The following RELCH variants were observed in gnomAD, a reference collection of about 807,000 sequenced individuals.
RELCH encodes RAB11 binding and LisH domain, coiled-coil and HEAT repeat containing.
RELCH carries 41 observed loss-of-function variants against 150.3 expected under a neutral mutation model. That is an observed-to-expected ratio of 0.27 (90% CI 0.21 to 0.35). The LOEUF (loss-of-function observed/expected upper bound fraction) is 0.35. Among genes scored for constraint, RELCH ranks in the 10% least tolerant of loss-of-function variants. RELCH has a pLI of 1.00. For synonymous variants in RELCH, 478 were observed against 531.8 expected (o/e 0.90, Z 1.39); for missense variants, 1,092 against 1,467.8 (o/e 0.74, Z 4.18).
intron 1 of RELCH, among the ~76,000 whole-genome samples, chr18:62,206,694 T>C (rs1039987697): frequency 2.0e-5 from 3 of 152,206 alleles, no homozygotes; most frequent in African/African-American, 7.2e-5. Flanking sequence ...AAAAAAAGTT[T>C]TGTGTGTGTA....
In RELCH at chr18:62,275,450, T is replaced by A. The variant is rs749185612; in HGVS notation, c.2944T>A (p.Cys982Ser). The A allele has an allele frequency of 1.4e-5, 22 of 1,607,590 alleles. No individual in the cohort carries two copies. Among genetic ancestry groups the A allele is most frequent in the Non-Finnish European group, 1.9e-5 (22 of 1,175,494 alleles). The part of the protein sequence containing the change: ...GVVHTSALVR[C>S]TAARMFELLV... The stretch of plus-strand genomic sequence containing the variant: ...TGTCCATACTTCAGCACTCGTGAGG[T>A]GTACTGCTGCTAGAATGTTTGAGGT... The change falls in exon 22 of 29, where the codon TGT becomes AGT. Residue 982 changes from cysteine (C) to serine (S), a missense_variant. This residue lies in a region of RELCH where 707 missense variants were observed against 1,025.4 expected (regional missense o/e 0.69). Transcript: ENST00000644646.
chr18:62,298,141 A>G (rs2045506593), intron 27 of RELCH, among the ~76,000 whole-genome samples: 1 of 151,078 alleles, frequency 6.6e-6, no homozygotes, highest in Non-Finnish European at 1.5e-5. Flanking sequence ...TAGACAATAA[A>G]TATTTTTTTA....
chr18:62,252,162 A>AT (rs138202096), intron 11 of RELCH, among the ~76,000 whole-genome samples: 295 of 133,914 alleles, frequency 2.2e-3, no homozygotes, highest in Middle Eastern at 7.7e-3. Flanking sequence ...CGCCCGGCTA[A>AT]TTTTTTTTTT....
At chr18:62,219,902 G>A (rs1167880012) in intron 2 of RELCH, among the ~76,000 whole-genome samples, 1 of 151,948 alleles carries the variant, frequency 6.6e-6, no homozygotes, top group Non-Finnish European at 1.5e-5. Context: ...TTTTTTATGT[G>A]TATTAGTCAG....
chr18:62,295,074 A>C (rs1443424523), intron 27 of RELCH, among the ~76,000 whole-genome samples: 1 of 152,198 alleles, frequency 6.6e-6, no homozygotes, highest in Non-Finnish European at 1.5e-5. Context: ...GTCCTTTTTT[A>C]GAAATGTTTT....
intron 1 of RELCH, among the ~76,000 whole-genome samples, chr18:62,210,868 C>T (rs576857387): frequency 3.3e-5 from 5 of 152,148 alleles, no homozygotes; most frequent in Non-Finnish European, 7.3e-5. Context: ...GGTGGCAGCT[C>T]AAACTTCTGT....
chr18:62,245,582 A>G (rs768004601), intron 11 of RELCH, among the ~76,000 whole-genome samples: 2 of 152,158 alleles, frequency 1.3e-5, no homozygotes, highest in Non-Finnish European at 2.9e-5. Context: ...AGCCAAGAAC[A>G]TGCCATTGCA....
intron 2 of RELCH, among the ~76,000 whole-genome samples, chr18:62,220,506 G>A (rs2040796629): frequency 6.6e-6 from 1 of 151,316 alleles, no homozygotes; most frequent in African/African-American, 2.4e-5. Context: ...CCTAATGAAG[G>A]GAACTATTCA....
intron 10 of RELCH, among the ~76,000 whole-genome samples, chr18:62,239,261 A>G (rs1280338570): frequency 6.6e-6 from 1 of 151,982 alleles, no homozygotes; most frequent in Non-Finnish European, 1.5e-5. Context: ...GATATTTAAT[A>G]TTAATAATTC....
chr18:62,241,983 T>C (rs527747833), intron 10 of RELCH, among the ~76,000 whole-genome samples: 4 of 152,326 alleles, frequency 2.6e-5, no homozygotes, highest in African/African-American at 7.2e-5. Context: ...AGTCTCAATC[T>C]AGCAATTATC....
Position 62,227,609 on chromosome 18 carries a change from A to T in RELCH, c.1074A>T (p.Leu358Phe). 1 of 1,545,920 alleles carries T rather than the reference A, an allele frequency of 6.5e-7. No homozygotes were observed. The highest frequency in any genetic ancestry group is 8.9e-7 in the Non-Finnish European group (1 of 1,126,486). The change falls in exon 7 of 29, where the codon TTA (leucine) becomes TTT (phenylalanine). Residue 358 changes from leucine (L) to phenylalanine (F), a missense_variant. This residue lies in a region of RELCH where 707 missense variants were observed against 1,025.4 expected (regional missense o/e 0.69). Transcript: ENST00000644646. ...ETPQPAENSM[L>F]VQKLEDKISL... ...TGTTTTGATTTTAGAACTCCATGTTAGTACAGAAATTAGAAGATAAAATTA... is the reference window on the plus strand; with the variant it reads ...TGTTTTGATTTTAGAACTCCATGTTTGTACAGAAATTAGAAGATAAAATTA...
intron 17 of RELCH, among the ~76,000 whole-genome samples, chr18:62,264,478 C>T (rs1281403126): frequency 1.3e-5 from 2 of 152,030 alleles, no homozygotes; most frequent in Non-Finnish European, 2.9e-5. Flanking sequence ...AGATTTGAGT[C>T]ACATTAACTC....
intron 1 of RELCH, among the ~76,000 whole-genome samples, chr18:62,197,691 T>C (rs1197983580): frequency 6.6e-6 from 1 of 152,196 alleles, no homozygotes; most frequent in East Asian, 1.9e-4. Flanking sequence ...AATATAGCAA[T>C]GGTATTTACC....
At chr18:62,299,262 G>A (rs1008663471) in intron 28 of RELCH, among the ~76,000 whole-genome samples, 1 of 152,158 alleles carries the variant, frequency 6.6e-6, no homozygotes, top group Non-Finnish European at 1.5e-5. Flanking sequence ...GAATGTTCTA[G>A]TCACATGCTT....
intron 16 of RELCH, among the ~76,000 whole-genome samples, chr18:62,263,438 G>C (rs955255366): frequency 4.0e-5 from 6 of 151,728 alleles, no homozygotes; most frequent in Non-Finnish European, 8.8e-5. Flanking sequence ...ACTTTTAACA[G>C]TAGCTATAAA....
intron 10 of RELCH, 119 bp from the exon 11 acceptor site, chr18:62,244,645 C>A: frequency 1.6e-6 from 1 of 607,400 alleles, no homozygotes; most frequent in Non-Finnish European, 2.9e-6. Flanking sequence ...TTAAAATTTA[C>A]CCTTTTGTTT....
At chr18:62,280,318 G>T in intron 23 of RELCH, 1 of 1,560,772 alleles carries the variant, frequency 6.4e-7, no homozygotes. Context: ...TCTTATTCCA[G>T]TTTACCAAAC....
At chr18:62,199,443 G>C (rs955993724) in intron 1 of RELCH, among the ~76,000 whole-genome samples, 1 of 152,102 alleles carries the variant, frequency 6.6e-6, no homozygotes, top group African/African-American at 2.4e-5. Flanking sequence ...AAATGCCTAA[G>C]GTAGACAGTT....
intron 10 of RELCH, among the ~76,000 whole-genome samples, chr18:62,234,651 T>C (rs1260183248): frequency 1.3e-5 from 2 of 151,974 alleles, no homozygotes; most frequent in Non-Finnish European, 2.9e-5. Context: ...GTGTAATTTT[T>C]TTAATGTAAA....
Sources: gnomAD v4.1 joint callset for allele counts (sites outside exome capture counted in the v4.1 genomes callset) on GRCh38, gnomAD v4.1.1 for gene constraint, gnomAD v4.1.1 regional missense constraint, MANE v1.5 for transcripts, NCBI Gene and HGNC (gene_info 2026-07-23, HGNC 2026-07-21) for gene names.